Variants in ACBD3 observed in about 807,000 individuals in gnomAD.
The protein encoded by ACBD3 is Golgi resident protein GCP60.
Under a neutral mutation model 66.9 loss-of-function variants are expected in ACBD3, and 30 were observed. The observed-to-expected ratio is 0.45, with a 90% CI of 0.34 to 0.61. The LOEUF (loss-of-function observed/expected upper bound fraction) is 0.61, where lower values mean the gene tolerates loss of function less well. ACBD3 is among the 20% of genes least tolerant of loss of function. The probability of loss-of-function intolerance (pLI) is 0.02; values close to 1 mark genes in which losing one functional copy is unlikely to be tolerated. For missense variants in ACBD3, 544 were observed against 664.5 expected, an observed-to-expected ratio of 0.82 and a Z score of 1.99; for synonymous variants, 278 against 259.8, an observed-to-expected ratio of 1.07 and a Z score of -0.68.
Position 226,186,384 on chromosome 1 carries a change from G to A in ACBD3, c.286+6C>T. ...AAGCGGCGGGGGTGGGGCTGGCCCG[G>A]CTCACCTTTGAAGAAGCGCAGTGCC... On this transcript the variant is annotated splice_donor_region_variant and intron_variant, in intron 1 of 7. Transcript: ENST00000366812. 10 of 1,515,000 alleles carry A rather than the reference G, an allele frequency of 6.6e-6. No homozygotes were observed. The highest frequency in any genetic ancestry group is 2.1e-5 in the Admixed American group (1 of 48,084). The allele number at this position is 1,515,000 out of a possible 1,614,324, so 93.8% of individuals were successfully genotyped here.
chr1:226,172,888 C>G (rs1004272440), intron 1 of ACBD3, among the ~76,000 whole-genome samples: 2 of 152,110 alleles, frequency 1.3e-5, no homozygotes, highest in Non-Finnish European at 2.9e-5. Flanking sequence ...GCCTGAAGGT[C>G]GAGGCTCCAA....
chr1:226,159,478 T>A (rs1659731724), intron 4 of ACBD3, 120 bp from the exon 5 acceptor site: 14 of 839,556 alleles, frequency 1.7e-5, no homozygotes, highest in Non-Finnish European at 2.2e-5. Flanking sequence ...AAGCTAGTAA[T>A]GTACACCAAT....
At chr1:226,171,348 C>T (rs111461949) in intron 1 of ACBD3, among the ~76,000 whole-genome samples, 15,845 of 151,878 alleles carry the variant, frequency 0.1, 1,004 homozygotes, top group South Asian at 0.17. Flanking sequence ...GAGGTTTTAC[C>T]ATGTTGGCCA....
intron 1 of ACBD3, among the ~76,000 whole-genome samples, chr1:226,182,152 G>A (rs1445502657): frequency 6.6e-6 from 1 of 151,876 alleles, no homozygotes; most frequent in African/African-American, 2.4e-5. Flanking sequence ...GATGGCTTGA[G>A]CCTGGGAGGC....
chr1:226,174,062 C>G (rs776786695), intron 1 of ACBD3, among the ~76,000 whole-genome samples: 1 of 152,060 alleles, frequency 6.6e-6, no homozygotes, highest in South Asian at 2.1e-4. Flanking sequence ...CGCACCCAAC[C>G]AAGAATAATT....
chr1:226,161,010 C>CA (rs1177779652), intron 4 of ACBD3, among the ~76,000 whole-genome samples: 1 of 152,168 alleles, frequency 6.6e-6, no homozygotes, highest in Admixed American at 6.5e-5. Context: ...TGACAATTTG[C>CA]AGAGAGCAAG....
rs1659449742 is a variant in ACBD3, at chr1:226,146,328, T to C, written c.*282A>G. The C allele has an allele frequency of 3.0e-6, 1 of 331,460 alleles. No individual in the cohort carries two copies. Among genetic ancestry groups the C allele is most frequent in the African/African-American group, 2.1e-5 (1 of 46,894 alleles). 20.5% of individuals were successfully genotyped at this position (331,460 alleles called of 1,614,324 possible). ...GTTGGGGTGTTTTATTTTGGAGACT[T>C]TAAATATTTAACATGTAGCTCATGT... On this transcript the variant is annotated 3_prime_UTR_variant, in exon 8 of 8. Coordinates refer to ENST00000366812, the MANE Select transcript of ACBD3 (RefSeq NM_022735.4).
intron 7 of ACBD3, among the ~76,000 whole-genome samples, chr1:226,149,153 C>G (rs1030426189): frequency 1.3e-5 from 2 of 152,106 alleles, no homozygotes; most frequent in African/African-American, 4.8e-5. Context: ...TAGAAGCTCT[C>G]TAATAGGCAA....
chr1:226,146,864 C>T, intron 7 of ACBD3, 43 bp from the exon 8 acceptor site: 5 of 1,559,980 alleles, frequency 3.2e-6, no homozygotes, highest in Non-Finnish European at 4.4e-6. Context: ...TCAGGAAAAC[C>T]ACACTTGCAT....
chr1:226,185,751 T>C (rs1395019108), intron 1 of ACBD3, among the ~76,000 whole-genome samples: 1 of 152,198 alleles, frequency 6.6e-6, no homozygotes, highest in African/African-American at 2.4e-5. Context: ...TTGCTTACAA[T>C]GTAAAATTTT....
intron 1 of ACBD3, among the ~76,000 whole-genome samples, chr1:226,180,005 T>A (rs1656136012): frequency 6.6e-6 from 1 of 151,738 alleles, no homozygotes; most frequent in South Asian, 2.1e-4. Flanking sequence ...ACCCTGTCTC[T>A]ACTAAAAATA....
At chr1:226,156,631 A>G (rs1348364838) in intron 5 of ACBD3, among the ~76,000 whole-genome samples, 1 of 152,216 alleles carries the variant, frequency 6.6e-6, no homozygotes, top group Non-Finnish European at 1.5e-5. Flanking sequence ...TTACAAGCCA[A>G]TTACTTAAAT....
intron 6 of ACBD3, 95 bp from the exon 7 acceptor site, chr1:226,152,714 G>T: frequency 8.2e-7 from 1 of 1,216,572 alleles, no homozygotes; most frequent in Non-Finnish European, 1.2e-6. Flanking sequence ...TTGTACTCAG[G>T]CACCAAGTAC....
Position 226,149,529 on chromosome 1 carries a change from C to CTTTTTTTTTTTTTTT in ACBD3, c.1376-2723_1376-2709dup. Among the ~76,000 whole-genome samples, 66 of 29,612 alleles carry CTTTTTTTTTTTTTTT rather than the reference C, an allele frequency of 2.2e-3. 20 individuals are homozygous for CTTTTTTTTTTTTTTT. Among genetic ancestry groups the CTTTTTTTTTTTTTTT allele is most frequent in the East Asian group, 3.2e-3 (3 of 928 alleles). 19.4% of individuals were successfully genotyped at this position (29,612 alleles called of 152,430 possible). A position where few individuals can be genotyped will look rare whatever the true frequency, so the allele number is the denominator to read the frequency against. On this transcript the variant is annotated intron_variant, in intron 7 of 7. Transcript: ENST00000366812. ...GGTGTCAGCCACTGCGCCCAGCCAT[C>CTTTTTTTTTTTTTTT]TTTTTTTTTTTTTTTTTTTTTTTTT... is the stretch of plus-strand genomic sequence containing the variant.
At chr1:226,182,440 C>T (rs917302110) in intron 1 of ACBD3, among the ~76,000 whole-genome samples, 1 of 151,946 alleles carries the variant, frequency 6.6e-6, no homozygotes, top group Non-Finnish European at 1.5e-5. Context: ...ATGGTGAAAC[C>T]CCATCTCTAT....
At chr1:226,170,811 ACT>A (rs1346112093) in intron 1 of ACBD3, among the ~76,000 whole-genome samples, 2 of 151,860 alleles carry the variant, frequency 1.3e-5, no homozygotes, top group East Asian at 1.9e-4. Flanking sequence ...ACAGGTTCTC[ACT>A]CTGTCACCCA....
At chr1:226,167,037 C>T (rs1345586792) in intron 1 of ACBD3, among the ~76,000 whole-genome samples, 1 of 152,106 alleles carries the variant, frequency 6.6e-6, no homozygotes, top group African/African-American at 2.4e-5. Context: ...TCAAGCAATC[C>T]TCCTGCCTCA....
chr1:226,185,142 G>C (rs547200793), intron 1 of ACBD3, among the ~76,000 whole-genome samples: 1 of 152,114 alleles, frequency 6.6e-6, no homozygotes, highest in East Asian at 1.9e-4. Flanking sequence ...AATTCAAGCC[G>C]GTGATCTAAA....
intron 7 of ACBD3, 72 bp from the exon 8 acceptor site, chr1:226,146,893 C>A: frequency 2.1e-6 from 3 of 1,440,164 alleles, no homozygotes; most frequent in Non-Finnish European, 9.7e-7. Context: ...TAAAATCTAT[C>A]CTTTCTTTTT....
Sources: allele counts gnomAD v4.1 joint callset (sites outside exome capture counted in the v4.1 genomes callset), GRCh38; gene constraint gnomAD v4.1.1; transcripts MANE v1.5; gene names NCBI Gene and HGNC (gene_info 2026-07-23, HGNC 2026-07-21).